MYO16: variants seen among roughly 807,000 people sequenced by gnomAD.
MYO16 encodes myosin XVI.
MYO16 carries 94 observed loss-of-function variants against 205.3 expected under a neutral mutation model. The ratio of observed to expected loss-of-function variants is 0.46; its 90% CI spans 0.39 to 0.54. MYO16 has a LOEUF of 0.54. Ranked by LOEUF, MYO16 falls within the 20% of genes least tolerant of loss-of-function variation. The pLI is 0.00. For missense variants in MYO16, 2,315 were observed against 2,387.5 expected, an observed-to-expected ratio of 0.97 and a Z score of 0.63; for synonymous variants, 988 against 954.0, an observed-to-expected ratio of 1.04 and a Z score of -0.66.
At chr13:109,090,856 G>C (rs556909507) in intron 27 of MYO16, among the ~76,000 whole-genome samples, 2 of 151,836 alleles carry the variant, frequency 1.3e-5, no homozygotes, top group South Asian at 4.2e-4. Context: ...GCCCCTCCCC[G>C]TCCCATTTCT....
chr13:108,798,460 G>C (rs2138960048), intron 6 of MYO16, among the ~76,000 whole-genome samples: 1 of 151,994 alleles, frequency 6.6e-6, no homozygotes, highest in South Asian at 2.1e-4. Context: ...TTTTTAAAAG[G>C]GATCTTTTAG....
chr13:109,042,920 G>C lies in MYO16; in HGVS notation c.2797-3996G>C, dbSNP rs146997388. 2.3e-3 allele frequency among the ~76,000 whole-genome samples: 354 copies of C among 152,284 alleles called. 1 individual carries two copies. Among genetic ancestry groups the C allele is most frequent in the African/African-American group, 8.0e-3 (331 of 41,560 alleles). On this transcript the variant is annotated intron_variant, in intron 23 of 34. Transcript: ENST00000457511. Reference sequence around the variant, plus strand: ...ATCAAACTGCCATCAGCAAATGTTTGTCGTTGTATGTGGATGTTAAATGCA... The same window carrying C: ...ATCAAACTGCCATCAGCAAATGTTTCTCGTTGTATGTGGATGTTAAATGCA...
At position 108,883,907 on chromosome 13, in the gene MYO16, G is replaced by T. The variant is rs140296211; in HGVS notation, c.1553+721G>T. On this transcript the variant is annotated intron_variant, in intron 13 of 34. Transcript: ENST00000457511. ...CTCAAAGTGCTGGGATTACAGACAT[G>T]GGCCACTGCATTTGGCCCAGAATAT... Among the ~76,000 whole-genome samples, 428 of 152,262 alleles carry T rather than the reference G, an allele frequency of 2.8e-3. 2 individuals carry two copies. The highest frequency in any genetic ancestry group is 9.2e-3 in the African/African-American group (382 of 41,552).
At chr13:109,147,898 A>AG (rs1048788147) in intron 32 of MYO16, among the ~76,000 whole-genome samples, 6 of 152,120 alleles carry the variant, frequency 3.9e-5, no homozygotes, top group East Asian at 1.9e-4. Flanking sequence ...CCCCCAGAGA[A>AG]GGGGGGTCTC....
intron 4 of MYO16, among the ~76,000 whole-genome samples, chr13:108,776,614 T>A (rs565376024): frequency 1.3e-5 from 2 of 152,338 alleles, no homozygotes; most frequent in African/African-American, 4.8e-5. Context: ...AATAGGCACC[T>A]ACAATGCCCT....
chr13:108,881,337 G>A (rs963777315), intron 12 of MYO16, among the ~76,000 whole-genome samples: 6 of 152,102 alleles, frequency 3.9e-5, no homozygotes, highest in African/African-American at 2.4e-5. Flanking sequence ...AAGATGGGGA[G>A]AAACCAGAGC....
chr13:108,958,115 A>AAT (rs1457682851), intron 17 of MYO16, among the ~76,000 whole-genome samples: 1 of 148,516 alleles, frequency 6.7e-6, no homozygotes, highest in Non-Finnish European at 1.5e-5. Context: ...AAATGAATAT[A>AAT]ATATATACAT....
chr13:108,952,396 T>C (rs73616442), intron 16 of MYO16, among the ~76,000 whole-genome samples: 2,276 of 152,228 alleles, frequency 0.015, 57 homozygotes, highest in African/African-American at 0.051. Flanking sequence ...GGTTCGCCAA[T>C]GACTAGCTTC....
intron 34 of MYO16, among the ~76,000 whole-genome samples, chr13:109,183,672 T>G (rs1414576939): frequency 6.6e-6 from 1 of 152,250 alleles, no homozygotes; most frequent in African/African-American, 2.4e-5. Context: ...ATTTATCATA[T>G]TTCTTGCCAA....
At chr13:108,596,676 C>T (rs1441075704) in intron 1 of MYO16, among the ~76,000 whole-genome samples, 1 of 152,102 alleles carries the variant, frequency 6.6e-6, no homozygotes, top group Non-Finnish European at 1.5e-5. Context: ...ATTTTAAATG[C>T]CTGTATGGTA....
chr13:108,805,319 A>T lies in MYO16; in HGVS notation c.742-1360A>T, dbSNP rs568400926. Among the ~76,000 whole-genome samples the T allele has an allele frequency of 9.8e-5, 15 of 152,322 alleles. No homozygotes were observed. In the South Asian group the frequency reaches 3.1e-3, roughly 32 times the overall value. ...CATTTAGATGAATATATTTATTCTA[A>T]TGTAGCTGAGTTACAAGAAATAAAC... is the stretch of plus-strand genomic sequence containing the variant. On this transcript the variant is annotated intron_variant, in intron 6 of 34. Transcript: ENST00000457511.
At chr13:109,050,709 ATTAT>A (rs1336150656) in intron 24 of MYO16, among the ~76,000 whole-genome samples, 2 of 152,252 alleles carry the variant, frequency 1.3e-5, no homozygotes, top group Non-Finnish European at 2.9e-5. Context: ...TGCTTTATTA[ATTAT>A]TTATTTATGA....
In MYO16 at chr13:108,844,433, G is replaced by A. The variant is rs1566364963; in HGVS notation, c.1188G>A (p.Gln396=). The A allele has an allele frequency of 6.2e-7, 1 of 1,613,114 alleles. No individual in the cohort carries two copies. The highest frequency in any genetic ancestry group is 1.7e-5 in the Admixed American group (1 of 59,974). Residue 396 remains glutamine, a synonymous_variant, in exon 10 of 35, where the codon CAG becomes CAA. Transcript: ENST00000457511. ...FKDATKGLCK[Q]QSQDSIPENP... is the part of the protein sequence containing the mutation. ...ATGCAACAAAAGGTCTGTGTAAGCAGCAGTCTCAGGACAGCATCCCTGAAA... is the reference window on the plus strand; with the variant it reads ...ATGCAACAAAAGGTCTGTGTAAGCAACAGTCTCAGGACAGCATCCCTGAAA...
chr13:108,877,325 C>A (rs1879375658), intron 12 of MYO16, among the ~76,000 whole-genome samples: 1 of 152,168 alleles, frequency 6.6e-6, no homozygotes, highest in South Asian at 2.1e-4. Context: ...CTTGTTTTCC[C>A]AGCCCAAGAG....
chr13:109,112,732 G>A (rs1416895902), intron 28 of MYO16, among the ~76,000 whole-genome samples: 1 of 152,072 alleles, frequency 6.6e-6, no homozygotes, highest in Non-Finnish European at 1.5e-5. Context: ...TCCAGCCTGG[G>A]CGAAACTCTG....
chr13:108,920,230 G>A (rs923562648), intron 16 of MYO16, among the ~76,000 whole-genome samples: 1 of 152,184 alleles, frequency 6.6e-6, no homozygotes, highest in African/African-American at 2.4e-5. Context: ...GGACAAGGAG[G>A]CTCTGAATTC....
chr13:109,100,703 T>G, intron 27 of MYO16, 82 bp from the exon 28 acceptor site: 1 of 1,094,050 alleles, frequency 9.1e-7, no homozygotes, highest in East Asian at 2.5e-5. Context: ...TGGGAAACGA[T>G]GTAACAAAGA....
chr13:108,726,251 T>C lies in MYO16; in HGVS notation c.364-1189T>C, dbSNP rs1884331313. Among the ~76,000 whole-genome samples, 2 of 152,270 alleles carry C rather than the reference T, an allele frequency of 1.3e-5. 1 individual carries two copies. The highest frequency in any genetic ancestry group is 6.8e-3 in the Middle Eastern group (2 of 294). ...TATGCATTTAGCATTATGTAACTTA[T>C]AGATGTAAATATGAAAGATACTCGT... On this transcript the variant is annotated intron_variant, in intron 3 of 34. Coordinates refer to ENST00000457511, the MANE Select transcript of MYO16 (RefSeq NM_001198950.3).
At chr13:108,802,455 T>C (rs1886995484) in intron 6 of MYO16, among the ~76,000 whole-genome samples, 1 of 152,192 alleles carries the variant, frequency 6.6e-6, no homozygotes, top group Admixed American at 6.5e-5. Flanking sequence ...TATTCCATTA[T>C]GTATATATGC....
Sources: gnomAD v4.1 joint callset for allele counts (sites outside exome capture counted in the v4.1 genomes callset) on GRCh38, gnomAD v4.1.1 for gene constraint, MANE v1.5 for transcripts, NCBI Gene and HGNC (gene_info 2026-07-23, HGNC 2026-07-21) for gene names.